ANP32E: variants seen among roughly 807,000 people sequenced by gnomAD.
ANP32E encodes the protein acidic nuclear phosphoprotein 32 family member E.
A neutral mutation model predicts 35.3 loss-of-function variants in ANP32E; 14 were observed. That is an observed-to-expected ratio of 0.40 (90% CI 0.26 to 0.62). ANP32E has a LOEUF of 0.62. Among genes scored for constraint, ANP32E ranks in the 20% least tolerant of loss-of-function variants. The probability of loss-of-function intolerance (pLI) is 0.45; values close to 1 mark genes in which losing one functional copy is unlikely to be tolerated. For missense variants in ANP32E, 198 were observed against 304.4 expected (o/e 0.65, Z 2.60); for synonymous variants, 89 against 110.4 (o/e 0.81, Z 1.22).
intron 3 of ANP32E, among the ~76,000 whole-genome samples, 164 bp from the exon 4 acceptor site, chr1:150,229,401 G>A (rs957818527): frequency 1.3e-5 from 2 of 148,358 alleles, no homozygotes; most frequent in South Asian, 2.1e-4. Flanking sequence ...GGGTTCAAGC[G>A]ATTCTCTTGC....
At chr1:150,227,996 A>G (rs1649015212) in intron 4 of ANP32E, among the ~76,000 whole-genome samples, 1 of 151,538 alleles carries the variant, frequency 6.6e-6, no homozygotes, top group Admixed American at 6.6e-5. Flanking sequence ...CGTCTCCCCC[A>G]GCATCAAGCA....
At chr1:150,221,386 C>A (rs1648354509) in intron 6 of ANP32E, among the ~76,000 whole-genome samples, 1 of 148,708 alleles carries the variant, frequency 6.7e-6, no homozygotes, top group Admixed American at 6.8e-5. Context: ...CTGCAGTGAG[C>A]CGAGATTGCA....
At chr1:150,223,691 A>T (rs1648624214) in intron 5 of ANP32E, among the ~76,000 whole-genome samples, 1 of 145,468 alleles carries the variant, frequency 6.9e-6, no homozygotes, top group Non-Finnish European at 1.5e-5. Context: ...CAAAAAAAAA[A>T]AAAAAAAAAA....
chr1:150,221,480 A>AAGGGAGGGAGGGAGGGAGG (rs1648367920), intron 6 of ANP32E, among the ~76,000 whole-genome samples: 1 of 116,532 alleles, frequency 8.6e-6, no homozygotes, highest in African/African-American at 4.2e-5. Flanking sequence ...AGAGAGGAAG[A>AAGGGAGGGAGGGAGGGAGG]GAGGAAGGAA....
chr1:150,232,364 A>G (rs1192267769), intron 1 of ANP32E, among the ~76,000 whole-genome samples: 2 of 141,070 alleles, frequency 1.4e-5, no homozygotes, highest in African/African-American at 5.3e-5. Flanking sequence ...AAAAATAACA[A>G]CACAACAGAA....
Position 150,232,794 on chromosome 1 carries a change from A to G in ANP32E, c.55-868T>C, listed in dbSNP as rs587630597. 4.6e-5 allele frequency among the ~76,000 whole-genome samples: 7 copies of G among 152,228 alleles called. No homozygotes were observed. In the East Asian group the frequency reaches 1.2e-3, roughly 25 times the overall value. On this transcript the variant is annotated intron_variant, in intron 1 of 6. Transcript: ENST00000583931. ...GGCCATTTTTTAAATTTAAACTTGG[A>G]CTAAAGTTCAATGCCTGCTTCAAAT...
At chr1:150,231,198 G>A (rs1243272509) in intron 2 of ANP32E, among the ~76,000 whole-genome samples, 1 of 152,138 alleles carries the variant, frequency 6.6e-6, no homozygotes. Context: ...TCTTAACCCA[G>A]CTTGGATTCT....
At chr1:150,232,757 G>A (rs1649466499) in intron 1 of ANP32E, among the ~76,000 whole-genome samples, 1 of 152,082 alleles carries the variant, frequency 6.6e-6, no homozygotes. Context: ...ACAGGGATGA[G>A]CCACCTTGCC....
chr1:150,223,681 CA>C (rs781932099), intron 5 of ANP32E, among the ~76,000 whole-genome samples: 13,901 of 76,350 alleles, frequency 0.18, 973 homozygotes, highest in East Asian at 0.52. Flanking sequence ...GGCTTCATCT[CA>C]AAAAAAAAAA....
chr1:150,229,205 C>A lies in ANP32E; in HGVS notation c.360G>T (p.Leu120=). Residue 120 remains leucine (L), a synonymous_variant, in exon 4 of 7, where the codon CTG becomes CTT. Transcript: ENST00000583931. Reference sequence around the variant, plus strand: ...CCAGGTTTGTGATCTCACAGTTAAACAGGTCAAGACTTTTCAAATTTTTAA... The same window carrying A: ...CCAGGTTTGTGATCTCACAGTTAAAAAGGTCAAGACTTTTCAAATTTTTAA... ...QNLKNLKSLD[L]FNCEITNLED... is the part of the protein sequence containing the mutation. 6.3e-7 allele frequency: 1 copy of A among 1,581,976 alleles called. No homozygotes were observed. The highest frequency in any genetic ancestry group is 1.2e-5 in the South Asian group (1 of 84,896).
chr1:150,226,603 T>C lies in ANP32E; in HGVS notation c.681+5A>G, dbSNP rs1385190669. The C allele has an allele frequency of 6.2e-7, 1 of 1,613,184 alleles. No individual in the cohort carries two copies. The highest frequency in any genetic ancestry group is 8.5e-7 in the Non-Finnish European group (1 of 1,179,960). On this transcript the variant is annotated splice_donor_5th_base_variant and intron_variant, in intron 5 of 6. Coordinates refer to ENST00000583931, the MANE Select transcript of ANP32E (RefSeq NM_030920.5). ...TTTCAGTGCAGGTAAGAAGTGTGTA[T>C]TCACCTGAATTTCTTCTTTCATTAA...
chr1:150,229,295 T>C (rs1420675297), intron 3 of ANP32E, 58 bp from the exon 4 acceptor site: 12 of 856,272 alleles, frequency 1.4e-5, no homozygotes, highest in Admixed American at 4.3e-5. Flanking sequence ...TTATTTCTTT[T>C]TTCTTTTTTT....
Position 150,219,730 on chromosome 1 carries a change from A to C in ANP32E, c.*961T>G, listed in dbSNP as rs186412915. The C allele has an allele frequency of 1.9e-3, 286 of 152,280 alleles. 1 individual carries two copies. The highest frequency in any genetic ancestry group is 6.4e-3 in the African/African-American group (268 of 41,556). The allele number at this position is 152,280 out of a possible 1,614,324, so 9.4% of individuals were successfully genotyped here. ...TGGTAAGGAGAGCTTACTGCATAAA[A>C]CTGTATTGATAATATATTCTTATGT... On this transcript the variant is annotated 3_prime_UTR_variant, in exon 7 of 7. Transcript: ENST00000583931.
In ANP32E at chr1:150,235,852, C is replaced by T; in HGVS notation, c.-66G>A. ...TTCCTGCCTTCCCCAATACCCCCAACCCAAAATTTTTAAGAGATTTAGAAA... is the reference window on the plus strand; with the variant it reads ...TTCCTGCCTTCCCCAATACCCCCAATCCAAAATTTTTAAGAGATTTAGAAA... On this transcript the variant is annotated 5_prime_UTR_variant, in exon 1 of 7. Coordinates refer to ENST00000583931, the MANE Select transcript of ANP32E (RefSeq NM_030920.5). The surrounding 1 kb of genome is among the most constrained non-coding windows in gnomAD (Gnocchi z 4.2). 8.2e-7 allele frequency: 1 copy of T among 1,224,794 alleles called. No homozygotes were observed. The highest frequency in any genetic ancestry group is 1.2e-6 in the Non-Finnish European group (1 of 850,670). 75.9% of individuals were successfully genotyped at this position (1,224,794 alleles called of 1,614,324 possible). A position where few individuals can be genotyped will look rare whatever the true frequency, so the allele number is the denominator to read the frequency against.
Position 150,220,513 on chromosome 1 carries a change from G to T in ANP32E, c.*178C>A. 1 of 598,960 alleles carries T rather than the reference G, an allele frequency of 1.7e-6. No individual in the cohort carries two copies. The highest frequency in any genetic ancestry group is 3.0e-6 in the Non-Finnish European group (1 of 338,680). 37.1% of individuals were successfully genotyped at this position (598,960 alleles called of 1,614,324 possible). On this transcript the variant is annotated 3_prime_UTR_variant, in exon 7 of 7. Coordinates refer to ENST00000583931, the MANE Select transcript of ANP32E (RefSeq NM_030920.5). ...GAAAATTTTTCTCTACATACAATATGATCATTAACAGACTAGTTCTTATTT... is the reference window on the plus strand; with the variant it reads ...GAAAATTTTTCTCTACATACAATATTATCATTAACAGACTAGTTCTTATTT...
At position 150,225,323 on chromosome 1, in the gene ANP32E, T is replaced by C. The variant is rs139494032; in HGVS notation, c.681+1285A>G. 1.1e-4 allele frequency among the ~76,000 whole-genome samples: 16 copies of C among 152,136 alleles called. 1 individual carries two copies. Among genetic ancestry groups the C allele is most frequent in the African/African-American group, 3.6e-4 (15 of 41,520 alleles). ...ACATATTCATACACAGCCATAAAGG[T>C]AAAATAGTTTGGTGTGATCATTTAA... On this transcript the variant is annotated intron_variant, in intron 5 of 6. Transcript: ENST00000583931.
intron 3 of ANP32E, 126 bp downstream of exon 3, chr1:150,230,445 T>G: frequency 1.3e-6 from 1 of 795,730 alleles, no homozygotes; most frequent in Middle Eastern, 2.8e-4. Context: ...AAGCAGTAAC[T>G]GCCTAGATCA....
chr1:150,228,527 T>G (rs1553840725), intron 4 of ANP32E, among the ~76,000 whole-genome samples: 1 of 151,842 alleles, frequency 6.6e-6, no homozygotes, highest in Non-Finnish European at 1.5e-5. Context: ...TCGTCTCTAC[T>G]AAAAATACAA....
intron 3 of ANP32E, among the ~76,000 whole-genome samples, chr1:150,229,731 G>A (rs1649201644): frequency 6.6e-6 from 1 of 152,228 alleles, no homozygotes. Context: ...GCCTGCCTCG[G>A]CCTCCCAAGG....
Sources: allele counts gnomAD v4.1 joint callset (sites outside exome capture counted in the v4.1 genomes callset), GRCh38; gene constraint gnomAD v4.1.1; non-coding constraint Gnocchi (gnomAD v3.1); transcripts MANE v1.5; gene names NCBI Gene and HGNC (gene_info 2026-07-23, HGNC 2026-07-21).